SMYD3: variants seen among roughly 807,000 people sequenced by gnomAD.
SMYD3 encodes histone-lysine N-methyltransferase SMYD3.
SMYD3 carries 36 observed loss-of-function variants against 57.7 expected under a neutral mutation model. The observed-to-expected ratio is 0.62, with a 90% CI of 0.48 to 0.82. The LOEUF is 0.82. Among genes scored for constraint, SMYD3 ranks in the 40% least tolerant of loss-of-function variants. The pLI is 0.00. For missense variants in SMYD3, 515 were observed against 538.8 expected (o/e 0.96, Z 0.44); for synonymous variants, 211 against 195.0 (o/e 1.08, Z -0.68).
At chr1:246,362,413 CTCTCCCTCTCCCTCTCCCTTTCCCACGG>C (rs1367322210) in intron 1 of SMYD3, among the ~76,000 whole-genome samples, 6 of 149,168 alleles carry the variant, frequency 4.0e-5, no homozygotes, top group African/African-American at 1.5e-4. Flanking sequence ...ATAGCTCTCC[CTCTCCCTCTCCCTCTCCCTTTCCCACGG>C]TCTCCCTCTC....
intron 10 of SMYD3, among the ~76,000 whole-genome samples, chr1:245,798,264 G>C (rs567545510): frequency 1.3e-5 from 2 of 151,614 alleles, no homozygotes; most frequent in South Asian, 4.2e-4. Context: ...CAGTCCCTGA[G>C]CCCCTTCCCT....
intron 1 of SMYD3, among the ~76,000 whole-genome samples, chr1:246,368,516 C>T (rs766219973): frequency 1.3e-5 from 2 of 152,182 alleles, no homozygotes; most frequent in Non-Finnish European, 2.9e-5. Flanking sequence ...ATAATCAACT[C>T]ATTATTCAGA....
intron 5 of SMYD3, among the ~76,000 whole-genome samples, chr1:246,169,607 C>T (rs1319272085): frequency 2.0e-5 from 3 of 151,956 alleles, no homozygotes; most frequent in Non-Finnish European, 4.4e-5. Flanking sequence ...GTTTGAGTTC[C>T]AGCTCTAAAG....
At chr1:246,358,225 T>C in intron 1 of SMYD3, among the ~76,000 whole-genome samples, 1 of 152,246 alleles carries the variant, frequency 6.6e-6, no homozygotes, top group East Asian at 1.9e-4. Flanking sequence ...GGAGGGACAT[T>C]ATATAACAAT....
intron 5 of SMYD3, among the ~76,000 whole-genome samples, chr1:246,071,638 T>C (rs2060445882): frequency 1.3e-5 from 2 of 152,136 alleles, no homozygotes; most frequent in Admixed American, 1.3e-4. Context: ...AGAGTAAAAA[T>C]TAGCCTGAAG....
chr1:246,378,971 T>G (rs2066340642), intron 1 of SMYD3, among the ~76,000 whole-genome samples: 1 of 140,966 alleles, frequency 7.1e-6, no homozygotes, highest in African/African-American at 2.6e-5. Context: ...AACAAGAAGA[T>G]TCCCAATGGC....
At chr1:246,087,264 G>A (rs150556296) in intron 5 of SMYD3, among the ~76,000 whole-genome samples, 199 of 152,230 alleles carry the variant, frequency 1.3e-3, no homozygotes, top group African/African-American at 4.7e-3. Flanking sequence ...ATTATAGAGG[G>A]AATAAGCATC....
rs12028815 is a variant in SMYD3, at chr1:246,172,423, C to T, written c.531+154778G>A. 0.018 allele frequency among the ~76,000 whole-genome samples: 2,703 copies of T among 146,810 alleles called. 170 individuals are homozygous for T. The East Asian group carries it at 0.19, about 10-fold the overall frequency. On this transcript the variant is annotated intron_variant, in intron 5 of 11. Coordinates refer to ENST00000490107, the MANE Select transcript of SMYD3 (RefSeq NM_001167740.2). Reference sequence around the variant, plus strand: ...TGTACTGTAGACTTTATCAACACTACACACTTAGGCTACACAGGCCTAGAA... The same window carrying T: ...TGTACTGTAGACTTTATCAACACTATACACTTAGGCTACACAGGCCTAGAA...
chr1:246,489,051 G>C (rs896185384), intron 1 of SMYD3, among the ~76,000 whole-genome samples: 2 of 152,006 alleles, frequency 1.3e-5, no homozygotes, highest in Non-Finnish European at 1.5e-5. Flanking sequence ...GGTCACTTCT[G>C]AAGAAGCAAT....
chr1:246,097,875 T>C (rs1359802021), intron 5 of SMYD3, among the ~76,000 whole-genome samples: 1 of 152,202 alleles, frequency 6.6e-6, no homozygotes, highest in East Asian at 1.9e-4. Flanking sequence ...CCTTCCCAAG[T>C]ATATTTCTGT....
chr1:245,859,454 C>T (rs946126624), intron 9 of SMYD3, among the ~76,000 whole-genome samples: 5 of 152,228 alleles, frequency 3.3e-5, no homozygotes, highest in Non-Finnish European at 7.3e-5. Flanking sequence ...GTAACTTCAT[C>T]TCATGTAGCC....
intron 5 of SMYD3, among the ~76,000 whole-genome samples, chr1:245,982,210 T>C (rs2058611896): frequency 6.6e-6 from 1 of 152,194 alleles, no homozygotes; most frequent in African/African-American, 2.4e-5. Flanking sequence ...TCACAGCTCA[T>C]TGCAGCCTCC....
intron 5 of SMYD3, among the ~76,000 whole-genome samples, chr1:246,064,841 T>C (rs990539582): frequency 4.6e-5 from 7 of 152,246 alleles, no homozygotes; most frequent in African/African-American, 1.7e-4. Flanking sequence ...TGTTATCCTC[T>C]TTGCATTGGC....
At chr1:245,907,956 T>C (rs1282880720) in intron 8 of SMYD3, among the ~76,000 whole-genome samples, 3 of 152,082 alleles carry the variant, frequency 2.0e-5, no homozygotes, top group African/African-American at 7.2e-5. Flanking sequence ...GCCAATATGA[T>C]GAAACCCTGT....
Position 246,233,976 on chromosome 1 carries a change from CT to C in SMYD3, c.531+93224del, listed in dbSNP as rs760434483. On this transcript the variant is annotated intron_variant, in intron 5 of 11. Transcript: ENST00000490107. ...TATACCACACAGAGGAGAAGCACTC[CT>C]TCAATTCACACTGTGATGAACATAT... 1.5e-3 allele frequency among the ~76,000 whole-genome samples: 172 copies of C among 116,684 alleles called. 1 individual carries two copies. Among genetic ancestry groups the C allele is most frequent in the East Asian group, 5.1e-3 (10 of 1,964 alleles). 76.5% of individuals were successfully genotyped at this position (116,684 alleles called of 152,430 possible). A position where few individuals can be genotyped will look rare whatever the true frequency, so the allele number is the denominator to read the frequency against.
intron 5 of SMYD3, among the ~76,000 whole-genome samples, chr1:246,084,008 A>AT (rs968363664): frequency 2.9e-4 from 44 of 151,578 alleles, no homozygotes; most frequent in African/African-American, 8.5e-4. Flanking sequence ...CCACCCAAGG[A>AT]TTTTTTTTTA....
intron 5 of SMYD3, among the ~76,000 whole-genome samples, chr1:246,190,750 G>A (rs1435882174): frequency 6.6e-6 from 1 of 151,974 alleles, no homozygotes; most frequent in Non-Finnish European, 1.5e-5. Context: ...CTAAATAATA[G>A]AAGATAGTCG....
chr1:246,172,797 T>C (rs1386804617), intron 5 of SMYD3, among the ~76,000 whole-genome samples: 181 of 128,152 alleles, frequency 1.4e-3, no homozygotes, highest in Admixed American at 1.4e-3. Context: ...ATCAACACTG[T>C]ACACTTAGGC....
intron 10 of SMYD3, among the ~76,000 whole-genome samples, chr1:245,814,808 GCACA>G (rs144385599): frequency 6.6e-6 from 1 of 150,524 alleles, no homozygotes; most frequent in Non-Finnish European, 1.5e-5. Context: ...ATCCCACCAT[GCACA>G]CACACACACG....
Sources: allele counts gnomAD v4.1 joint callset (sites outside exome capture counted in the v4.1 genomes callset), GRCh38; gene constraint gnomAD v4.1.1; transcripts MANE v1.5; gene names NCBI Gene and HGNC (gene_info 2026-07-23, HGNC 2026-07-21).